DOC2A: variants seen among roughly 807,000 people sequenced by gnomAD.
DOC2A encodes the protein double C2 domain alpha.
DOC2A carries 28 observed loss-of-function variants against 40.6 expected under a neutral mutation model. That is an observed-to-expected ratio of 0.69 (90% CI 0.51 to 0.95). The LOEUF is 0.95. Among genes scored for constraint, DOC2A ranks in the 40% least tolerant of loss-of-function variants. The probability of loss-of-function intolerance (pLI) is 0.00; values close to 1 mark genes in which losing one functional copy is unlikely to be tolerated. For missense variants in DOC2A, 474 were observed against 552.5 expected (o/e 0.86, Z 1.42); for synonymous variants, 241 against 236.9 (o/e 1.02, Z -0.16).
chr16:30,017,103 T>C (rs1673341235), upstream of DOC2A, among the ~76,000 whole-genome samples: 1 of 151,660 alleles, frequency 6.6e-6, no homozygotes, highest in South Asian at 2.1e-4. Flanking sequence ...CTGGTCAACA[T>C]GACGAAACCC....
At chr16:30,012,339 A>C (rs2070796301), upstream of DOC2A, 1 of 151,824 alleles carries the variant, frequency 6.6e-6, no homozygotes, top group Non-Finnish European at 1.5e-5. Context: ...TGCCTCCCCC[A>C]CCAGCAGGGA....
chr16:30,009,297 G>A lies in DOC2A; in HGVS notation c.343-21C>T. ...AGGCCCTGGAGAGGAGGGCAGGGGA[G>A]AGGGCTAGAGGCTCCCGGCACCTCT... On this transcript the variant is annotated intron_variant, in intron 3 of 10. Coordinates refer to ENST00000350119, the MANE Select transcript of DOC2A (RefSeq NM_003586.3). This position sits in a 1 kb window ranked among gnomAD's most constrained non-coding sequence, Gnocchi z 4.1. 6.5e-7 allele frequency: 1 copy of A among 1,550,030 alleles called. No homozygotes were observed.
upstream of DOC2A, among the ~76,000 whole-genome samples, chr16:30,017,278 CAAAAA>C (rs34047589): frequency 1.6e-5 from 2 of 125,018 alleles, no homozygotes; most frequent in African/African-American, 3.0e-5. Context: ...GACCCTGTCT[CAAAAA>C]AAAAAAAAAA....
chr16:30,009,567 G>A lies in DOC2A; in HGVS notation c.263-10C>T, dbSNP rs372830998. On this transcript the variant is annotated splice_polypyrimidine_tract_variant and intron_variant, in intron 2 of 10. Coordinates refer to ENST00000350119, the MANE Select transcript of DOC2A (RefSeq NM_003586.3). The surrounding 1 kb of genome is among the most constrained non-coding windows in gnomAD (Gnocchi z 4.1). Reference sequence around the variant, plus strand: ...AGCGTGCCTAGGGCGGCTGGAGAGAGAGGAAAGGCAGCATGGGTCGGTATG... The same window carrying A: ...AGCGTGCCTAGGGCGGCTGGAGAGAAAGGAAAGGCAGCATGGGTCGGTATG... 5.8e-5 allele frequency: 90 copies of A among 1,550,594 alleles called. No homozygotes were observed. The highest frequency in any genetic ancestry group is 7.7e-5 in the Non-Finnish European group (88 of 1,146,840).
At chr16:30,011,785 C>G (rs1298703098), upstream of DOC2A, 1 of 152,374 alleles carries the variant, frequency 6.6e-6, no homozygotes. Context: ...GGCCTCTCTC[C>G]TTGTGGCCCA....
Position 30,009,671 on chromosome 16 carries a change from G to A in DOC2A, c.263-114C>T, listed in dbSNP as rs1241021221. The A allele has an allele frequency of 3.7e-5, 39 of 1,068,052 alleles. No individual in the cohort carries two copies. Among genetic ancestry groups the A allele is most frequent in the Non-Finnish European group, 5.6e-6 (4 of 718,520 alleles). The allele number at this position is 1,068,052 out of a possible 1,614,324, so 66.2% of individuals were successfully genotyped here. Reference sequence around the variant, plus strand: ...CTCTCTTGCCAGCCCGCGAGTGTGAGTGCAAGAGGCTGAGTGGGCCCATGC... The same window carrying A: ...CTCTCTTGCCAGCCCGCGAGTGTGAATGCAAGAGGCTGAGTGGGCCCATGC... On this transcript the variant is annotated intron_variant, in intron 2 of 10. Coordinates refer to ENST00000350119, the MANE Select transcript of DOC2A (RefSeq NM_003586.3). The surrounding 1 kb of genome is among the most constrained non-coding windows in gnomAD (Gnocchi z 4.1).
In DOC2A at chr16:30,009,939, GC is replaced by G. The variant is rs774665050; in HGVS notation, c.262+21del. 4.4e-4 allele frequency: 712 copies of G among 1,610,738 alleles called. 7 individuals carry two copies. The Admixed American group carries it at 0.011, about 26-fold the overall frequency. On this transcript the variant is annotated intron_variant, in intron 2 of 10. Transcript: ENST00000350119. This position sits in a 1 kb window ranked among gnomAD's most constrained non-coding sequence, Gnocchi z 4.1. ...CTGGAGACCCCCACCAGCACATGGG[GC>G]CTCCAAGCCCCCAGACTCACTGGCA...
intron 1 of DOC2A, among the ~76,000 whole-genome samples, chr16:30,017,830 T>G (rs1407816159): frequency 6.6e-6 from 1 of 151,542 alleles, no homozygotes; most frequent in Non-Finnish European, 1.5e-5. Flanking sequence ...CTTGGTGGCA[T>G]GCGTCTGTAA....
At chr16:30,022,107 A>G (rs35605010), upstream of DOC2A, among the ~76,000 whole-genome samples, 70,754 of 151,464 alleles carry the variant, frequency 0.47, 16,736 homozygotes, top group African/African-American at 0.51. Flanking sequence ...AAATCAGCCG[A>G]ACAGTGATGG....
chr16:30,014,584 G>A (rs960685243), upstream of DOC2A, among the ~76,000 whole-genome samples: 5 of 151,578 alleles, frequency 3.3e-5, no homozygotes, highest in African/African-American at 9.7e-5. Context: ...GCAGTGAGCC[G>A]AGATTGCGCC....
chr16:30,022,495 C>A (rs971180741), upstream of DOC2A, among the ~76,000 whole-genome samples: 2 of 151,746 alleles, frequency 1.3e-5, no homozygotes, highest in African/African-American at 4.8e-5. Context: ...ACATAGCAAG[C>A]CCTCATTTCT....
upstream of DOC2A, chr16:30,021,454 G>A (rs950341253): frequency 1.4e-4 from 21 of 152,360 alleles, no homozygotes; most frequent in African/African-American, 5.1e-4. Context: ...GATGGGAGAT[G>A]GGGTGGCCAC....
upstream of DOC2A, among the ~76,000 whole-genome samples, chr16:30,022,135 A>G (rs2070919572): frequency 6.7e-6 from 1 of 150,188 alleles, no homozygotes; most frequent in Non-Finnish European, 1.5e-5. Flanking sequence ...CTGTAATCCC[A>G]CTCCAGGAGG....
intron 1 of DOC2A, among the ~76,000 whole-genome samples, chr16:30,019,582 T>C (rs1295891937): frequency 3.3e-5 from 5 of 152,222 alleles, no homozygotes; most frequent in Non-Finnish European, 4.4e-5. Flanking sequence ...AAATGGCCTT[T>C]ACTAGTAGAG....
At chr16:30,023,216 T>G, upstream of DOC2A, 3 of 805,026 alleles carry the variant, frequency 3.7e-6, no homozygotes, top group South Asian at 4.7e-5. Flanking sequence ...TCCTCTCCTC[T>G]TCTGATGAGA....
intron 5 of DOC2A, 170 bp from the exon 6 acceptor site, chr16:30,007,469 C>T (rs2070651828): frequency 9.5e-6 from 8 of 844,372 alleles, no homozygotes; most frequent in Non-Finnish European, 1.5e-5. Flanking sequence ...GTCCCTCCCT[C>T]TGCAGCCACC....
rs142606199 is a variant in DOC2A, at chr16:30,008,704, C to G, written c.527+292G>C. 983 of 373,502 alleles carry G rather than the reference C, an allele frequency of 2.6e-3. 11 individuals are homozygous for G. Among genetic ancestry groups the G allele is most frequent in the African/African-American group, 0.017 (822 of 47,988 alleles). 23.1% of individuals were successfully genotyped at this position (373,502 alleles called of 1,614,324 possible). ...ATTTTTAGTAGAGACGGGGGTTTCA[C>G]CAAGTTGGCCAGGCTGGTCTTGAAC... On this transcript the variant is annotated intron_variant, in intron 5 of 10. Transcript: ENST00000350119.
exon 1 of DOC2A, chr16:30,021,266 T>A (rs1214615156): frequency 6.6e-6 from 1 of 152,376 alleles, no homozygotes; most frequent in African/African-American, 2.4e-5. Flanking sequence ...GCACTGGGTC[T>A]GCAGAGTCCG....
chr16:30,006,326 C>A lies in DOC2A; in HGVS notation c.1063G>T (p.Val355Leu). Residue 355 changes from valine to leucine, a missense_variant, in exon 11 of 11, where the codon GTG (valine) becomes TTG (leucine). Coordinates refer to ENST00000350119, the MANE Select transcript of DOC2A (RefSeq NM_003586.3). This position sits in a 1 kb window ranked among gnomAD's most constrained non-coding sequence, Gnocchi z 6.2. Reference sequence around the variant, plus strand: ...CCTCGGGCACCTGGCCCCAGGGACACGCCACCTGGGGAGCAGGTGGGCAGG... The same window carrying A: ...CCTCGGGCACCTGGCCCCAGGGACAAGCCACCTGGGGAGCAGGTGGGCAGG... ...IGKSNDFIGG[V>L]SLGPGARGEA... The A allele has an allele frequency of 1.2e-6, 2 of 1,611,844 alleles. No individual in the cohort carries two copies. Among genetic ancestry groups the A allele is most frequent in the South Asian group, 2.2e-5 (2 of 91,044 alleles).
Sources: allele counts gnomAD v4.1 joint callset (sites outside exome capture counted in the v4.1 genomes callset), GRCh38; gene constraint gnomAD v4.1.1; non-coding constraint Gnocchi (gnomAD v3.1); transcripts MANE v1.5; gene names NCBI Gene and HGNC (gene_info 2026-07-23, HGNC 2026-07-21).